TTLL5: variants seen among roughly 807,000 people sequenced by gnomAD.
The protein encoded by TTLL5 is tubulin polyglutamylase TTLL5.
In TTLL5, 132 loss-of-function variants were observed where a neutral mutation model predicts 168.4. The observed-to-expected ratio is 0.78, with a 90% CI of 0.68 to 0.91. The LOEUF is 0.91. Ranked by LOEUF, TTLL5 falls within the 40% of genes least tolerant of loss-of-function variation. The pLI, the probability that TTLL5 is intolerant of heterozygous loss-of-function variation, is 0.00. For missense variants in TTLL5, 1,545 were observed against 1,581.5 expected, an observed-to-expected ratio of 0.98 and a Z score of 0.39; for synonymous variants, 546 against 558.6, an observed-to-expected ratio of 0.98 and a Z score of 0.32.
In TTLL5 at chr14:75,719,720, A is replaced by G. The variant is rs768830116; in HGVS notation, c.843-15A>G. On this transcript the variant is annotated splice_polypyrimidine_tract_variant and intron_variant, in intron 10 of 31. Transcript: ENST00000298832. ...CTAGTTACATATGTGACTTTGATTT[A>G]TTAATTTGTTTTAGTTGTGACGATC... 1 of 1,593,872 alleles carries G rather than the reference A, an allele frequency of 6.3e-7. No individual in the cohort carries two copies. Among genetic ancestry groups the G allele is most frequent in the African/African-American group, 1.4e-5 (1 of 73,632 alleles).
At chr14:75,869,880 C>T (rs1035950572) in intron 29 of TTLL5, among the ~76,000 whole-genome samples, 2 of 116,144 alleles carry the variant, frequency 1.7e-5, no homozygotes, top group Admixed American at 1.3e-4. Flanking sequence ...AGTACAGTGG[C>T]GCAATCTCAG....
intron 9 of TTLL5, chr14:75,709,371 G>A (rs536040414): frequency 4.0e-5 from 23 of 579,534 alleles, no homozygotes; most frequent in African/African-American, 2.2e-4. Context: ...ACCAAACCTC[G>A]CTGGTGGAGC....
At chr14:75,905,774 T>C (rs934298620) in intron 31 of TTLL5, among the ~76,000 whole-genome samples, 5 of 152,220 alleles carry the variant, frequency 3.3e-5, no homozygotes, top group Non-Finnish European at 7.3e-5. Flanking sequence ...GATTTGATAA[T>C]GTAAACTACC....
At chr14:75,719,014 T>C (rs975829729) in intron 10 of TTLL5, among the ~76,000 whole-genome samples, 2 of 152,126 alleles carry the variant, frequency 1.3e-5, no homozygotes, top group African/African-American at 4.8e-5. Context: ...AAAGGCACAA[T>C]TGGTGGAGAG....
intron 30 of TTLL5, among the ~76,000 whole-genome samples, chr14:75,889,999 A>G (rs2032321562): frequency 6.6e-6 from 1 of 152,178 alleles, no homozygotes; most frequent in Non-Finnish European, 1.5e-5. Context: ...CATCATTTTC[A>G]TTACTAAAAT....
intron 31 of TTLL5, among the ~76,000 whole-genome samples, chr14:75,924,880 C>T (rs556807505): frequency 4.0e-5 from 6 of 151,810 alleles, no homozygotes; most frequent in African/African-American, 1.5e-4. Context: ...GCGCCCCTCA[C>T]CTCCCGGATG....
At chr14:75,766,712 T>C (rs1360125180) in intron 20 of TTLL5, among the ~76,000 whole-genome samples, 3 of 151,876 alleles carry the variant, frequency 2.0e-5, no homozygotes, top group Admixed American at 2.0e-4. Context: ...AACAAAGTGG[T>C]CTTAGGACAC....
intron 31 of TTLL5, among the ~76,000 whole-genome samples, chr14:75,937,616 C>A (rs2034473910): frequency 6.6e-6 from 1 of 152,134 alleles, no homozygotes; most frequent in East Asian, 1.9e-4. Flanking sequence ...TGGAATCATA[C>A]GGTATTTGTC....
intron 9 of TTLL5, among the ~76,000 whole-genome samples, chr14:75,715,616 T>C (rs1019779903): frequency 1.3e-5 from 2 of 152,108 alleles, no homozygotes; most frequent in Non-Finnish European, 2.9e-5. Flanking sequence ...CTGAGGGAGA[T>C]ATGGAGTGGA....
At chr14:75,699,647 A>G (rs1886115531) in intron 7 of TTLL5, among the ~76,000 whole-genome samples, 1 of 152,220 alleles carries the variant, frequency 6.6e-6, no homozygotes, top group African/African-American at 2.4e-5. Context: ...TCTGTTCTCA[A>G]GGTTATCAAA....
chr14:75,860,167 T>C (rs1016372470), intron 28 of TTLL5, among the ~76,000 whole-genome samples: 1 of 152,198 alleles, frequency 6.6e-6, no homozygotes, highest in Non-Finnish European at 1.5e-5. Context: ...ACACATCCTT[T>C]CTTATCCATA....
At chr14:75,925,496 G>T (rs1475721030) in intron 31 of TTLL5, among the ~76,000 whole-genome samples, 1 of 150,690 alleles carries the variant, frequency 6.6e-6, no homozygotes, top group Non-Finnish European at 1.5e-5. Context: ...GGCGATGGGC[G>T]GCCGGGCAGA....
intron 28 of TTLL5, among the ~76,000 whole-genome samples, chr14:75,824,295 A>G (rs1894994021): frequency 6.6e-6 from 1 of 152,164 alleles, no homozygotes; most frequent in South Asian, 2.1e-4. Context: ...CTAAGAGGCT[A>G]CTGTCTGGCA....
chr14:75,677,023 C>T (rs534435657), intron 3 of TTLL5, among the ~76,000 whole-genome samples: 12 of 152,200 alleles, frequency 7.9e-5, no homozygotes, highest in East Asian at 7.7e-4. Context: ...CCTCCCATCT[C>T]GGCCTTCCAA....
chr14:75,877,622 C>T (rs1595193174), intron 29 of TTLL5, among the ~76,000 whole-genome samples: 1 of 152,372 alleles, frequency 6.6e-6, no homozygotes, highest in African/African-American at 2.4e-5. Flanking sequence ...ACAGCTCTCT[C>T]ATTCCCAGGA....
chr14:75,936,704 G>A (rs1038567199), intron 31 of TTLL5, among the ~76,000 whole-genome samples: 2 of 152,168 alleles, frequency 1.3e-5, no homozygotes, highest in African/African-American at 4.8e-5. Flanking sequence ...AATTGCTGTG[G>A]CCAAGGGGAT....
At chr14:75,915,505 A>T (rs914020603) in intron 31 of TTLL5, among the ~76,000 whole-genome samples, 3 of 152,222 alleles carry the variant, frequency 2.0e-5, no homozygotes, top group African/African-American at 7.2e-5. Flanking sequence ...ATAACTGTGA[A>T]GTTAGACTGA....
chr14:75,713,436 A>T (rs1260517466), intron 9 of TTLL5, among the ~76,000 whole-genome samples: 1 of 152,204 alleles, frequency 6.6e-6, no homozygotes, highest in South Asian at 2.1e-4. Flanking sequence ...ACGCTCTATG[A>T]TGTTCACACA....
chr14:75,696,979 T>C (rs1885919274), intron 6 of TTLL5, among the ~76,000 whole-genome samples: 1 of 152,338 alleles, frequency 6.6e-6, no homozygotes, highest in African/African-American at 2.4e-5. Context: ...TTGAGTGAAA[T>C]TGGTCTTCTG....
Sources: gnomAD v4.1 joint callset for allele counts (sites outside exome capture counted in the v4.1 genomes callset) on GRCh38, gnomAD v4.1.1 for gene constraint, MANE v1.5 for transcripts, NCBI Gene and HGNC (gene_info 2026-07-23, HGNC 2026-07-21) for gene names.